The following DYSF variants were observed in gnomAD, a reference collection of about 807,000 sequenced individuals.
DYSF encodes the protein dysferlin, also known as dystrophy-associated fer-1-like 1.
A neutral mutation model predicts 274.9 loss-of-function variants in DYSF; 212 were observed. The observed-to-expected ratio is 0.77, with a 90% CI of 0.69 to 0.86. The LOEUF is 0.86. DYSF is among the 40% of genes least tolerant of loss of function. The pLI is 0.00. For missense variants in DYSF, 2,666 were observed against 2,783.2 expected, an observed-to-expected ratio of 0.96 and a Z score of 0.95; for synonymous variants, 1,091 against 1,078.7, an observed-to-expected ratio of 1.01 and a Z score of -0.22.
chr2:71,467,791 C>G (rs77256808), intron 1 of DYSF, among the ~76,000 whole-genome samples: 3,470 of 152,130 alleles, frequency 0.023, 54 homozygotes, highest in African/African-American at 0.049. Context: ...TACCCTGTAG[C>G]TTTGTGGAAT....
intron 42 of DYSF, among the ~76,000 whole-genome samples, chr2:71,655,187 A>G (rs2094745427): frequency 6.6e-6 from 1 of 152,150 alleles, no homozygotes; most frequent in Admixed American, 6.5e-5. Context: ...AAAATATTCA[A>G]AAGGACATAT....
chr2:71,644,925 TCCC>T, intron 42 of DYSF, among the ~76,000 whole-genome samples: 1 of 152,252 alleles, frequency 6.6e-6, no homozygotes, highest in South Asian at 2.1e-4. Context: ...CAGGAAAAGT[TCCC>T]TTATCCCCCT....
At chr2:71,558,355 G>A (rs542111024) in intron 22 of DYSF, among the ~76,000 whole-genome samples, 3 of 152,272 alleles carry the variant, frequency 2.0e-5, no homozygotes, top group East Asian at 1.9e-4. Flanking sequence ...CTGTGGTCTG[G>A]AGGTGGGAGG....
At chr2:71,571,304 T>C (rs1413465898) in intron 29 of DYSF, among the ~76,000 whole-genome samples, 2 of 112,416 alleles carry the variant, frequency 1.8e-5, no homozygotes, top group African/African-American at 7.3e-5. Flanking sequence ...CACACACAGA[T>C]TACACCTAGC....
chr2:71,670,093 G>A (rs922546450), intron 51 of DYSF, among the ~76,000 whole-genome samples: 2 of 152,040 alleles, frequency 1.3e-5, no homozygotes, highest in Admixed American at 1.3e-4. Context: ...TCCCACCCCT[G>A]CTGTCATTAC....
chr2:71,479,580 T>C (rs1202236411), intron 1 of DYSF, among the ~76,000 whole-genome samples: 1 of 152,222 alleles, frequency 6.6e-6, no homozygotes, highest in East Asian at 1.9e-4. Flanking sequence ...TCCTGCCCAC[T>C]GCTGTAGAAC....
intron 3 of DYSF, among the ~76,000 whole-genome samples, chr2:71,490,027 G>C (rs1342192117): frequency 6.6e-6 from 1 of 152,176 alleles, no homozygotes; most frequent in Non-Finnish European, 1.5e-5. Context: ...GGGCTGTTGG[G>C]AGCAGGATCC....
intron 33 of DYSF, 102 bp downstream of exon 33, chr2:71,598,847 C>T (rs1357245952): frequency 1.5e-6 from 2 of 1,349,548 alleles, no homozygotes; most frequent in Admixed American, 3.7e-5. Flanking sequence ...TGGGTGCTCT[C>T]CTAACTCCAC....
At chr2:71,534,654 C>T (rs1371049909) in intron 14 of DYSF, among the ~76,000 whole-genome samples, 1 of 152,172 alleles carries the variant, frequency 6.6e-6, no homozygotes, top group African/African-American at 2.4e-5. Context: ...GCCATAAGGG[C>T]CTCTGGGAAA....
At position 71,570,301 on chromosome 2, in the gene DYSF, T is replaced by G. The variant is rs886042550; in HGVS notation, c.3052T>G (p.Ser1018Ala). The change falls in exon 28 of 56, where the codon TCC becomes GCC. Residue 1018 changes from serine to alanine, a missense_variant. Physicochemically the swap from Ser to Ala is moderately conservative, Grantham distance 99. Transcript: ENST00000410020. ...CTGGAAGTGGGAAGATGAGGAATGG[T>G]CCACAGACCTCAACCGGGCTGTCGA... ...LGWKWEDEEW[S>A]TDLNRAVDEQ... The G allele has an allele frequency of 2.5e-6, 4 of 1,613,882 alleles. No homozygotes were observed. The highest frequency in any genetic ancestry group is 3.4e-6 in the Non-Finnish European group (4 of 1,179,988).
intron 3 of DYSF, among the ~76,000 whole-genome samples, chr2:71,502,079 CTGTGT>C (rs1361607311): frequency 7.0e-6 from 1 of 143,806 alleles, no homozygotes; most frequent in Non-Finnish European, 1.5e-5. Flanking sequence ...CTCCATGACT[CTGTGT>C]GTGTGTGTGT....
At chr2:71,513,142 G>A (rs1033918279) in intron 5 of DYSF, 98 bp from the exon 6 acceptor site, 8 of 1,152,222 alleles carry the variant, frequency 6.9e-6, no homozygotes, top group Admixed American at 2.0e-5. Context: ...TGGGGTGGGC[G>A]GGGAAGGCAG....
chr2:71,654,825 TC>T (rs949357215), intron 42 of DYSF, among the ~76,000 whole-genome samples: 2 of 152,032 alleles, frequency 1.3e-5, no homozygotes, highest in South Asian at 2.1e-4. Flanking sequence ...ACACCTGTAA[TC>T]CCAGCACTTT....
chr2:71,511,661 G>A (rs1468733199), intron 4 of DYSF, 146 bp from the exon 5 acceptor site: 41 of 696,918 alleles, frequency 5.9e-5, no homozygotes, highest in Non-Finnish European at 8.9e-5. Context: ...GGTCCCTTGG[G>A]GTGGCTTTGC....
Position 71,589,641 on chromosome 2 carries a change from T to C in DYSF, c.3451T>C (p.Leu1151=). Residue 1151 remains leucine, a synonymous_variant, in exon 31 of 56, where the codon TTG becomes CTG. Coordinates refer to ENST00000410020, the MANE Select transcript of DYSF (RefSeq NM_001130987.2). ...KSEDSMSVST[L]SFGVNRPTIS... ...TGAAGATTCCATGTCCGTCTCCACC[T>C]TGAGCTTCGGTGTGAACAGACCCAC... 6.2e-7 allele frequency: 1 copy of C among 1,614,118 alleles called. No homozygotes were observed. The highest frequency in any genetic ancestry group is 1.7e-5 in the Admixed American group (1 of 60,028).
intron 36 of DYSF, among the ~76,000 whole-genome samples, chr2:71,605,646 C>T (rs963005203): frequency 6.6e-6 from 1 of 152,004 alleles, no homozygotes; most frequent in Non-Finnish European, 1.5e-5. Context: ...ATTTTACTGC[C>T]AGTTCAGGGG....
chr2:71,543,602 G>A (rs1391542149), intron 17 of DYSF, among the ~76,000 whole-genome samples: 1 of 152,224 alleles, frequency 6.6e-6, no homozygotes, highest in Non-Finnish European at 1.5e-5. Context: ...GACTCCATCT[G>A]CAATCCCAGC....
intron 55 of DYSF, among the ~76,000 whole-genome samples, chr2:71,683,782 C>T (rs928659066): frequency 6.6e-6 from 1 of 152,212 alleles, no homozygotes; most frequent in Non-Finnish European, 1.5e-5. Flanking sequence ...GGGAACTGCC[C>T]CCAGGTGAGC....
At chr2:71,679,013 A>G (rs1393417953) in intron 52 of DYSF, 44 bp from the exon 53 acceptor site, 2 of 1,589,998 alleles carry the variant, frequency 1.3e-6, no homozygotes, top group South Asian at 2.2e-5. Flanking sequence ...ACAGGCTGGC[A>G]GTGATCGAGA....
Sources: gnomAD v4.1 joint callset for allele counts (sites outside exome capture counted in the v4.1 genomes callset) on GRCh38, gnomAD v4.1.1 for gene constraint, MANE v1.5 for transcripts, NCBI Gene and HGNC (gene_info 2026-07-23, HGNC 2026-07-21) for gene names.